The following FOXP1 variants were observed in gnomAD, a reference collection of about 807,000 sequenced individuals.
FOXP1 encodes forkhead box protein P1.
In FOXP1, 15 loss-of-function variants were observed where a neutral mutation model predicts 98.2. The observed-to-expected ratio is 0.15, with a 90% CI of 0.10 to 0.24. The LOEUF (loss-of-function observed/expected upper bound fraction) is 0.24. Ranked by LOEUF, FOXP1 falls within the 10% of genes least tolerant of loss-of-function variation. The pLI is 1.00. For missense variants in FOXP1, 633 were observed against 848.5 expected (o/e 0.75, Z 3.15); for synonymous variants, 371 against 314.5 (o/e 1.18, Z -1.90).
intron 3 of FOXP1, among the ~76,000 whole-genome samples, chr3:71,443,767 T>C (rs1293796893): frequency 6.6e-6 from 1 of 152,194 alleles, no homozygotes; most frequent in Admixed American, 6.5e-5. Context: ...CTCACTTGTA[T>C]ATACTTTTAA....
At chr3:71,257,622 A>G (rs1017369854) in intron 5 of FOXP1, among the ~76,000 whole-genome samples, 1 of 151,296 alleles carries the variant, frequency 6.6e-6, no homozygotes, top group Non-Finnish European at 1.5e-5. Flanking sequence ...GGGTAAAAAG[A>G]GGAGGTGACT....
At chr3:71,188,205 G>T (rs191052018) in intron 6 of FOXP1, among the ~76,000 whole-genome samples, 1 of 152,068 alleles carries the variant, frequency 6.6e-6, no homozygotes, top group African/African-American at 2.4e-5. Flanking sequence ...GCCCTTCAGT[G>T]AACATAAAAT....
intron 3 of FOXP1, among the ~76,000 whole-genome samples, chr3:71,362,526 G>C (rs62245968): frequency 6.6e-6 from 1 of 152,180 alleles, no homozygotes; most frequent in South Asian, 2.1e-4. Context: ...CTGCAGTGCA[G>C]TGGCATGATC....
At chr3:71,087,440 C>T (rs2055255553) in intron 7 of FOXP1, among the ~76,000 whole-genome samples, 1 of 152,226 alleles carries the variant, frequency 6.6e-6, no homozygotes, top group Non-Finnish European at 1.5e-5. Context: ...ATCAGAGGTA[C>T]TCTGACCATT....
chr3:70,954,760 T>C lies in FOXP1; in HGVS notation c.*4487A>G. On this transcript the variant is annotated 3_prime_UTR_variant, in exon 21 of 21. Coordinates refer to ENST00000649528, the MANE Select transcript of FOXP1 (RefSeq NM_001349338.3). ...TTTTTATTGCATTTGAGAATGCTTA[T>C]AATGTCAGTAATTAGTACTGACTAC... 1 of 229,992 alleles carries C rather than the reference T, an allele frequency of 4.3e-6. No individual in the cohort carries two copies. The highest frequency in any genetic ancestry group is 6.2e-5 in the East Asian group (1 of 16,122). 14.2% of individuals were successfully genotyped at this position (229,992 alleles called of 1,614,324 possible).
At chr3:71,333,654 C>T (rs1391341857) in intron 4 of FOXP1, 1 of 151,872 alleles carries the variant, frequency 6.6e-6, no homozygotes, top group Non-Finnish European at 1.5e-5. Context: ...GAGACGCTGT[C>T]CCCACAAAAA....
rs775361154 is a variant in FOXP1 at position 70,965,875 on chromosome 3, GT to G, written c.1889+14del. On this transcript the variant is annotated intron_variant, in intron 20 of 20. Transcript: ENST00000649528. ...GGGTCAGATAGCAAAGACCTGTTGG[GT>G]GGACAATACTCACACGGCTTGCATA... 6.2e-7 allele frequency: 1 copy of G among 1,613,244 alleles called. No homozygotes were observed. The highest frequency in any genetic ancestry group is 1.1e-5 in the South Asian group (1 of 91,040).
At chr3:71,002,952 C>T (rs1309994793) in intron 12 of FOXP1, among the ~76,000 whole-genome samples, 2 of 152,164 alleles carry the variant, frequency 1.3e-5, no homozygotes, top group Admixed American at 6.6e-5. Context: ...AGACCACAGA[C>T]CAGGACCCAG....
At chr3:71,109,007 T>C (rs2057685904) in intron 7 of FOXP1, among the ~76,000 whole-genome samples, 1 of 152,224 alleles carries the variant, frequency 6.6e-6, no homozygotes, top group Admixed American at 6.5e-5. Flanking sequence ...TTTTCATTTG[T>C]ATCATTCATA....
At position 71,188,004 on chromosome 3, in the gene FOXP1, C is replaced by T. The variant is rs375208709; in HGVS notation, c.180+10198G>A. Among the ~76,000 whole-genome samples the T allele has an allele frequency of 4.6e-4, 70 of 152,254 alleles. 1 individual carries two copies. In the South Asian group the frequency reaches 0.013, roughly 29 times the overall value. Reference sequence around the variant, plus strand: ...GAGAACTACTTCGTATCATGCAGCCCTGAAAAATTAACACTTAATAATTAT... The same window carrying T: ...GAGAACTACTTCGTATCATGCAGCCTTGAAAAATTAACACTTAATAATTAT... On this transcript the variant is annotated intron_variant, in intron 6 of 20. Transcript: ENST00000649528.
chr3:71,195,612 G>C (rs1389672776), intron 6 of FOXP1, among the ~76,000 whole-genome samples: 2 of 152,168 alleles, frequency 1.3e-5, no homozygotes, highest in Non-Finnish European at 2.9e-5. Context: ...TTGTACTACG[G>C]AATCTGAATG....
intron 2 of FOXP1, among the ~76,000 whole-genome samples, chr3:71,506,808 G>A (rs1351502402): frequency 2.0e-5 from 3 of 152,174 alleles, no homozygotes; most frequent in Admixed American, 6.5e-5. Flanking sequence ...CAGGGCACCT[G>A]GGTTCAGCTC....
intron 6 of FOXP1, among the ~76,000 whole-genome samples, chr3:71,173,213 A>G (rs1450069181): frequency 6.6e-6 from 1 of 152,120 alleles, no homozygotes; most frequent in Non-Finnish European, 1.5e-5. Context: ...AAGATTTCTG[A>G]AAAATCATCA....
chr3:71,245,640 T>C (rs1248090679), intron 5 of FOXP1, among the ~76,000 whole-genome samples: 1 of 151,592 alleles, frequency 6.6e-6, no homozygotes, highest in Non-Finnish European at 1.5e-5. Context: ...ATCAGATTTT[T>C]AAAGAACAAG....
chr3:71,253,285 A>T (rs1334824421), intron 5 of FOXP1, among the ~76,000 whole-genome samples: 1 of 152,194 alleles, frequency 6.6e-6, no homozygotes, highest in Non-Finnish European at 1.5e-5. Context: ...ATCTTAGGGT[A>T]GATAAAGAAC....
chr3:71,183,499 AAAAAC>A (rs1343911133), intron 6 of FOXP1, among the ~76,000 whole-genome samples: 2 of 152,286 alleles, frequency 1.3e-5, no homozygotes, highest in South Asian at 4.2e-4. Context: ...ACCCTGTCTC[AAAAAC>A]AAAACAAAAC....
At chr3:71,000,092 T>C (rs375372253) in intron 13 of FOXP1, among the ~76,000 whole-genome samples, 2 of 152,270 alleles carry the variant, frequency 1.3e-5, no homozygotes, top group South Asian at 4.1e-4. Flanking sequence ...ATTTTTACTT[T>C]TAGAAACTAA....
At chr3:70,972,777 C>T in intron 17 of FOXP1, 101 bp from the exon 18 acceptor site, 1 of 1,221,100 alleles carries the variant, frequency 8.2e-7, no homozygotes, top group Non-Finnish European at 1.2e-6. Flanking sequence ...GTAAAACCAT[C>T]CCCAAGAGCT....
At chr3:71,354,272 C>T (rs1340049011) in intron 4 of FOXP1, among the ~76,000 whole-genome samples, 4 of 146,122 alleles carry the variant, frequency 2.7e-5, no homozygotes, top group Admixed American at 2.7e-4. Context: ...AGCGAGACTC[C>T]GTCTCCAGAA....
Sources: gnomAD v4.1 joint callset for allele counts (sites outside exome capture counted in the v4.1 genomes callset) on GRCh38, gnomAD v4.1.1 for gene constraint, MANE v1.5 for transcripts, NCBI Gene and HGNC (gene_info 2026-07-23, HGNC 2026-07-21) for gene names.